Variants in CENPC observed in about 807,000 individuals in gnomAD.
CENPC encodes CENP-C 1.
A neutral mutation model predicts 112.1 loss-of-function variants in CENPC; 63 were observed. That is an observed-to-expected ratio of 0.56 (90% confidence interval 0.46 to 0.69). The LOEUF is 0.69. Ranked by LOEUF, CENPC falls within the 30% of genes least tolerant of loss-of-function variation. The probability of loss-of-function intolerance (pLI) is 0.00; values close to 1 mark genes in which losing one functional copy is unlikely to be tolerated. For missense variants in CENPC, 1,000 were observed against 1,103.8 expected (o/e 0.91, Z 1.33); for synonymous variants, 333 against 367.6 (o/e 0.91, Z 1.08).
In CENPC at chr4:67,506,860, C is replaced by G. The variant is rs1255880250; in HGVS notation, c.1979G>C (p.Gly660Ala). The G allele has an allele frequency of 1.2e-6, 2 of 1,612,342 alleles. No homozygotes were observed. The highest frequency in any genetic ancestry group is 2.2e-5 in the East Asian group (1 of 44,794). ...QNVPLKPQTS[G>A]YTCNIPTESN... ...CTCTGTTGGTATATTACATGTATATCCACTGGTCTGAGGCTTTAGGGGAAC... is the reference window on the plus strand; with the variant it reads ...CTCTGTTGGTATATTACATGTATATGCACTGGTCTGAGGCTTTAGGGGAAC... Residue 660 changes from glycine (G) to alanine (A), a missense_variant, in exon 11 of 19, where the codon GGA becomes GCA. By Grantham distance (60) the Gly-to-Ala change is moderately conservative (BLOSUM62 0). Coordinates refer to ENST00000273853, the MANE Select transcript of CENPC (RefSeq NM_001812.4).
At chr4:67,524,875 C>A (rs1198058264) in intron 5 of CENPC, among the ~76,000 whole-genome samples, 1 of 152,084 alleles carries the variant, frequency 6.6e-6, no homozygotes, top group Non-Finnish European at 1.5e-5. Flanking sequence ...CCAAGACAAT[C>A]CTAAGCAAAA....
Position 67,519,448 on chromosome 4 carries a change from T to G in CENPC, c.386A>C (p.Asn129Thr). 1 of 1,606,846 alleles carries G rather than the reference T, an allele frequency of 6.2e-7. No individual in the cohort carries two copies. The highest frequency in any genetic ancestry group is 8.5e-7 in the Non-Finnish European group (1 of 1,175,122). ...TGATATTTTTTTCGAGTCAGGTGTA[T>G]TTTTGGAACTAACATCAGTTGCCAG... ...KILATDVSSKNTPDSKKISSR... is the reference protein window; with the variant it reads ...KILATDVSSKTTPDSKKISSR... Residue 129 changes from asparagine (N) to threonine (T), a missense_variant, in exon 6 of 19, where the codon AAT becomes ACT. By Grantham distance (65) the Asn-to-Thr change is moderately conservative. Coordinates refer to ENST00000273853, the MANE Select transcript of CENPC (RefSeq NM_001812.4).
At chr4:67,538,950 G>C (rs934256182) in intron 4 of CENPC, among the ~76,000 whole-genome samples, 4 of 152,122 alleles carry the variant, frequency 2.6e-5, no homozygotes, top group African/African-American at 9.7e-5. Flanking sequence ...GCTTTAGCAG[G>C]AGTGTTAGCC....
chr4:67,523,382 GTTGATAA>G (rs1464326115), intron 5 of CENPC, among the ~76,000 whole-genome samples: 1 of 152,170 alleles, frequency 6.6e-6, no homozygotes, highest in Non-Finnish European at 1.5e-5. Context: ...CTATTCTCTA[GTTGATAA>G]AACTGTTTTC....
Position 67,514,617 on chromosome 4 carries a change from C to T in CENPC, c.901G>A (p.Asp301Asn). The change falls in exon 8 of 19, where the codon GAT (aspartate) becomes AAT (asparagine). Residue 301 changes from aspartate (D) to asparagine (N), a missense_variant. Physicochemically the swap from Asp to Asn is conservative, Grantham distance 23. Coordinates refer to ENST00000273853, the MANE Select transcript of CENPC (RefSeq NM_001812.4). ...CPPDDTKLIE[D>N]EFIIDESDQS... is the part of the protein sequence containing the mutation. Reference sequence around the variant, plus strand: ...TCCGACTCATCAATTATAAATTCATCCTCTATCAACTTCGTATCATCGGGA... The same window carrying T: ...TCCGACTCATCAATTATAAATTCATTCTCTATCAACTTCGTATCATCGGGA... 2 of 1,607,302 alleles carry T rather than the reference C, an allele frequency of 1.2e-6. No homozygotes were observed.
intron 12 of CENPC, among the ~76,000 whole-genome samples, chr4:67,504,118 G>C (rs964600232): frequency 4.9e-5 from 7 of 143,136 alleles, no homozygotes; most frequent in African/African-American, 1.8e-4. Context: ...AAAGAACGTA[G>C]CTAGTAAGTA....
chr4:67,532,893 AAAT>A (rs1480717806), intron 4 of CENPC, among the ~76,000 whole-genome samples: 2 of 152,194 alleles, frequency 1.3e-5, no homozygotes, highest in Admixed American at 6.5e-5. Context: ...ATTTAAAGTA[AAAT>A]AATAATTTTT....
At chr4:67,506,150 TTA>T (rs1355990252) in intron 11 of CENPC, among the ~76,000 whole-genome samples, 1 of 152,152 alleles carries the variant, frequency 6.6e-6, no homozygotes, top group Non-Finnish European at 1.5e-5. Context: ...TTTTAAAAGG[TTA>T]TATGACATCA....
intron 17 of CENPC, among the ~76,000 whole-genome samples, chr4:67,485,478 A>G (rs919755811): frequency 3.9e-5 from 6 of 151,984 alleles, no homozygotes; most frequent in South Asian, 2.1e-4. Flanking sequence ...AACCCCCCCA[A>G]TGTGATGGGA....
chr4:67,518,514 C>T (rs989035405), intron 6 of CENPC, 146 bp from the exon 7 acceptor site: 6 of 813,838 alleles, frequency 7.4e-6, no homozygotes, highest in African/African-American at 1.8e-5. Context: ...CTGATTTGTG[C>T]ATTCCAAATA....
At chr4:67,489,225 C>T (rs998981879) in intron 17 of CENPC, among the ~76,000 whole-genome samples, 6 of 151,244 alleles carry the variant, frequency 4.0e-5, no homozygotes, top group African/African-American at 1.5e-4. Context: ...CACACACATA[C>T]ACACATATAA....
intron 18 of CENPC, 185 bp downstream of exon 18, chr4:67,474,703 C>CAA: frequency 1.9e-5 from 10 of 527,948 alleles, no homozygotes; most frequent in Admixed American, 3.9e-5. Flanking sequence ...GTCTCAAAAA[C>CAA]AAAAAAAAAC....
At position 67,544,422 on chromosome 4, in the gene CENPC, G is replaced by C. The variant is rs1726970457; in HGVS notation, c.19-227C>G. 2.0e-5 allele frequency among the ~76,000 whole-genome samples: 3 copies of C among 152,152 alleles called. No homozygotes were observed. The South Asian group carries it at 6.2e-4, about 32-fold the overall frequency. On this transcript the variant is annotated intron_variant, in intron 1 of 18. Transcript: ENST00000273853. The stretch of plus-strand genomic sequence containing the variant: ...TATTCCGCTTCTCTCCCCACAGTGA[G>C]AATGGCTTTATTGCTTTCTTCTGAT...
chr4:67,474,740 T>C (rs1724757828), intron 18 of CENPC, 148 bp downstream of exon 18: 1 of 644,384 alleles, frequency 1.6e-6, no homozygotes, highest in Non-Finnish European at 2.8e-6. Flanking sequence ...TACACTTACC[T>C]AATGATCAAA....
intron 18 of CENPC, among the ~76,000 whole-genome samples, chr4:67,474,016 T>C (rs1326597243): frequency 6.6e-6 from 1 of 152,082 alleles, no homozygotes; most frequent in Non-Finnish European, 1.5e-5. Flanking sequence ...ATGGGGTAAA[T>C]AATTTTTGTT....
At chr4:67,498,325 C>T (rs1271074298) in intron 12 of CENPC, among the ~76,000 whole-genome samples, 1 of 152,064 alleles carries the variant, frequency 6.6e-6, no homozygotes, top group Non-Finnish European at 1.5e-5. Context: ...GGGTATTTTG[C>T]CTTATTGTTG....
Position 67,514,279 on chromosome 4 carries a change from G to T in CENPC, c.1239C>A (p.Ser413Arg), listed in dbSNP as rs1405926962. Reference protein sequence around the residue: ...YSKNAEKPSRSKRTIKQKQRR... With the variant: ...YSKNAEKPSRRKRTIKQKQRR... ...TCTGTTTTTGTTTTATAGTCCTTTT[G>T]CTTCTAGATGGTTTTTCTGCATTCT... The change falls in exon 8 of 19, where the codon AGC (serine) becomes AGA (arginine). Residue 413 changes from serine to arginine, a missense_variant. Physicochemically the swap from Ser to Arg is moderately radical, Grantham distance 110 (BLOSUM62 -1). Coordinates refer to ENST00000273853, the MANE Select transcript of CENPC (RefSeq NM_001812.4). 1 of 1,610,116 alleles carries T rather than the reference G, an allele frequency of 6.2e-7. No homozygotes were observed. Among genetic ancestry groups the T allele is most frequent in the Non-Finnish European group, 8.5e-7 (1 of 1,177,710 alleles).
chr4:67,511,003 T>C (rs1402013124), intron 9 of CENPC: 7 of 456,034 alleles, frequency 1.5e-5, no homozygotes, highest in African/African-American at 2.0e-5. Context: ...ATCTGCCACA[T>C]AGTACTTAGC....
At chr4:67,520,182 A>G (rs1363023615) in intron 5 of CENPC, among the ~76,000 whole-genome samples, 1 of 152,140 alleles carries the variant, frequency 6.6e-6, no homozygotes, top group African/African-American at 2.4e-5. Context: ...CTCAAGCCCC[A>G]TTCAGCACTC....
Sources: allele counts gnomAD v4.1 joint callset (sites outside exome capture counted in the v4.1 genomes callset), GRCh38; gene constraint gnomAD v4.1.1; transcripts MANE v1.5; gene names NCBI Gene and HGNC (gene_info 2026-07-23, HGNC 2026-07-21).